The following SP4 variants were observed in gnomAD, a reference collection of about 807,000 sequenced individuals.
SP4 encodes transcription factor Sp4.
A neutral mutation model predicts 72.8 loss-of-function variants in SP4; 19 were observed. The observed-to-expected ratio is 0.26, with a 90% CI of 0.18 to 0.38. SP4 has a LOEUF of 0.38. SP4 is among the 10% of genes least tolerant of loss of function. The pLI is 1.00. For synonymous variants in SP4, 395 were observed against 333.1 expected, an observed-to-expected ratio of 1.19 and a Z score of -2.02; for missense variants, 1,008 against 926.3, an observed-to-expected ratio of 1.09 and a Z score of -1.14.
chr7:21,462,029 T>G (rs979034673), intron 3 of SP4, among the ~76,000 whole-genome samples: 1 of 136,178 alleles, frequency 7.3e-6, no homozygotes, highest in Non-Finnish European at 1.5e-5. Flanking sequence ...TAGTTTTAGT[T>G]TTTTTTTTTT....
At position 21,493,325 on chromosome 7, in the gene SP4, A is replaced by G. The variant is rs187240131; in HGVS notation, c.2107+11202A>G. ...ACACATGGGCCAAGAAAAAGTTTCA[A>G]GGGAAATTAGAAAATATTTCCAATT... On this transcript the variant is annotated intron_variant, in intron 5 of 5. Transcript: ENST00000222584. Among the ~76,000 whole-genome samples, 4 of 152,336 alleles carry G rather than the reference A, an allele frequency of 2.6e-5. No homozygotes were observed. In the East Asian group the frequency reaches 7.7e-4, roughly 29 times the overall value.
At chr7:21,435,708 A>G (rs1405658044) in intron 3 of SP4, among the ~76,000 whole-genome samples, 3 of 152,184 alleles carry the variant, frequency 2.0e-5, no homozygotes, top group Admixed American at 6.5e-5. Context: ...ATTGGAATTC[A>G]TTATTAGAAA....
intron 3 of SP4, among the ~76,000 whole-genome samples, chr7:21,474,739 T>TGAGA (rs1220993881): frequency 2.0e-5 from 3 of 152,222 alleles, no homozygotes; most frequent in African/African-American, 7.2e-5. Context: ...TGAGGATCTC[T>TGAGA]GAGTGCACAG....
intron 5 of SP4, among the ~76,000 whole-genome samples, chr7:21,502,038 G>GCAC (rs1781877565): frequency 2.2e-5 from 2 of 89,458 alleles, no homozygotes; most frequent in Admixed American, 1.4e-4. Flanking sequence ...AATTCATTAG[G>GCAC]CACCCCCCCC....
chr7:21,442,448 A>T (rs1040338662), intron 3 of SP4, among the ~76,000 whole-genome samples: 23 of 152,236 alleles, frequency 1.5e-4, no homozygotes, highest in Non-Finnish European at 2.9e-4. Flanking sequence ...TAGACTCAAT[A>T]GTACATGATA....
At chr7:21,486,174 TC>T (rs1784807466) in intron 5 of SP4, among the ~76,000 whole-genome samples, 1 of 150,152 alleles carries the variant, frequency 6.7e-6, no homozygotes, top group African/African-American at 2.5e-5. Context: ...TGTTATTTTT[TC>T]TTGTTTTTTT....
rs1189695653 is a variant in SP4, at chr7:21,428,097, GCCATT to G, written c.-153_-149del. On this transcript the variant is annotated 5_prime_UTR_variant, in exon 1 of 6. Transcript: ENST00000222584. Reference sequence around the variant, plus strand: ...GCTGCTACGCCACAGCCCAGCGGCGGCCATTCGCGGAAAAAGAGGCAGAGCCTGTG... The same window carrying G: ...GCTGCTACGCCACAGCCCAGCGGCGGCGCGGAAAAAGAGGCAGAGCCTGTG... The G allele has an allele frequency of 3.0e-6, 2 of 675,460 alleles. No homozygotes were observed. The highest frequency in any genetic ancestry group is 3.6e-5 in the African/African-American group (2 of 56,244). The allele number at this position is 675,460 out of a possible 1,614,324, so 41.8% of individuals were successfully genotyped here.
chr7:21,430,842 A>G lies in SP4; in HGVS notation c.1677A>G (p.Ala559=), dbSNP rs1271292481. ...QGVPVTITSV[A]GQQQGQDGVK... is the part of the protein sequence containing the mutation. Reference sequence around the variant, plus strand: ...TTCCCGTTACAATCACTAGTGTTGCAGGTAAGTTCTGACATCTTTTTAAGT... The same window carrying G: ...TTCCCGTTACAATCACTAGTGTTGCGGGTAAGTTCTGACATCTTTTTAAGT... Residue 559 remains alanine, a splice_region_variant and synonymous_variant, in exon 3 of 6, where the codon GCA becomes GCG. Coordinates refer to ENST00000222584, the MANE Select transcript of SP4 (RefSeq NM_003112.5). 1 of 1,602,690 alleles carries G rather than the reference A, an allele frequency of 6.2e-7. No homozygotes were observed. The highest frequency in any genetic ancestry group is 8.5e-7 in the Non-Finnish European group (1 of 1,172,350).
chr7:21,472,508 G>T (rs549641665), intron 3 of SP4, among the ~76,000 whole-genome samples: 2 of 152,062 alleles, frequency 1.3e-5, no homozygotes, highest in Admixed American at 1.3e-4. Context: ...GCCTAGGTTG[G>T]TCTTGAACTC....
chr7:21,428,727 A>G lies in SP4; in HGVS notation c.58A>G (p.Thr20Ala), dbSNP rs1418951591. Residue 20 changes from threonine to alanine, a missense_variant, in exon 2 of 6, where the codon ACA (threonine) becomes GCA (alanine). By Grantham distance (58) the Thr-to-Ala change is moderately conservative. Transcript: ENST00000222584. ...EEAAAAAAMA[T>A]EGGKTSEPEN... The stretch of plus-strand genomic sequence containing the variant: ...GGCGGCAGCGGCAGCGGCGATGGCT[A>G]CAGAAGGAGGGAAAACCTCTGAGCC... 2.6e-6 allele frequency: 4 copies of G among 1,554,620 alleles called. No individual in the cohort carries two copies. The highest frequency in any genetic ancestry group is 2.4e-5 in the South Asian group (2 of 84,232).
chr7:21,428,562 G>C, intron 1 of SP4, 115 bp from the exon 2 acceptor site: 1 of 1,097,508 alleles, frequency 9.1e-7, no homozygotes, highest in South Asian at 1.6e-5. Context: ...GTGGATCGCG[G>C]GTTTATGGAG....
Position 21,430,611 on chromosome 7 carries a change from T to C in SP4, c.1446T>C (p.Asn482=). 6.2e-7 allele frequency: 1 copy of C among 1,614,242 alleles called. No individual in the cohort carries two copies. Among genetic ancestry groups the C allele is most frequent in the Non-Finnish European group, 8.5e-7 (1 of 1,180,046 alleles). Residue 482 remains asparagine (N), a synonymous_variant, in exon 3 of 6, where the codon AAT becomes AAC. Coordinates refer to ENST00000222584, the MANE Select transcript of SP4 (RefSeq NM_003112.5). The part of the protein sequence containing the change: ...VQVQNIQSLS[N]LQVQNAGLSQ... ...TTCAGAATATTCAGAGTCTTTCAAA[T>C]TTGCAAGTTCAGAATGCTGGGTTAT... is the stretch of plus-strand genomic sequence containing the variant.
Position 21,466,834 on chromosome 7 carries a change from C to G in SP4, c.1679-10245C>G, listed in dbSNP as rs554923814. 4.6e-5 allele frequency among the ~76,000 whole-genome samples: 7 copies of G among 151,476 alleles called. No individual in the cohort carries two copies. In the South Asian group the frequency reaches 1.5e-3, roughly 32 times the overall value. ...CAGTGTACCATGGAATCTCTCTAGT[C>G]ATATGTCTGTCAAAACTGTCACAGC... is the stretch of plus-strand genomic sequence containing the variant. On this transcript the variant is annotated intron_variant, in intron 3 of 5. Transcript: ENST00000222584.
At chr7:21,489,358 T>C (rs1784907272) in intron 5 of SP4, among the ~76,000 whole-genome samples, 1 of 152,048 alleles carries the variant, frequency 6.6e-6, no homozygotes, top group African/African-American at 2.4e-5. Flanking sequence ...TGAGACCATG[T>C]CACCCAGGCC....
At chr7:21,491,647 A>G (rs1784982078) in intron 5 of SP4, among the ~76,000 whole-genome samples, 1 of 152,230 alleles carries the variant, frequency 6.6e-6, no homozygotes, top group Admixed American at 6.5e-5. Context: ...AAGAAGCCAG[A>G]AGAGAAGGAC....
In SP4 at chr7:21,473,046, A is replaced by G. The variant is rs970815839; in HGVS notation, c.1679-4033A>G. ...ACTTTGGTCGGTGGAAGAATGATTA[A>G]ATGTTATTGAGCACGAAAGTGAGAT... On this transcript the variant is annotated intron_variant, in intron 3 of 5. Transcript: ENST00000222584. Among the ~76,000 whole-genome samples, 5 of 152,192 alleles carry G rather than the reference A, an allele frequency of 3.3e-5. 1 individual carries two copies. Among genetic ancestry groups the G allele is most frequent in the Non-Finnish European group, 5.9e-5 (4 of 68,036 alleles).
chr7:21,508,459 T>C (rs955982394), intron 5 of SP4, among the ~76,000 whole-genome samples: 7 of 152,142 alleles, frequency 4.6e-5, no homozygotes, highest in Non-Finnish European at 1.0e-4. Context: ...CCCAAGTAGC[T>C]GGGATTACAG....
chr7:21,431,508 A>T (rs1184899498), intron 3 of SP4, among the ~76,000 whole-genome samples: 1 of 152,162 alleles, frequency 6.6e-6, no homozygotes, highest in Non-Finnish European at 1.5e-5. Context: ...TCATTGTGTG[A>T]TTTGTAGATG....
chr7:21,457,790 C>T (rs980660980), intron 3 of SP4, among the ~76,000 whole-genome samples: 1 of 151,592 alleles, frequency 6.6e-6, no homozygotes, highest in Non-Finnish European at 1.5e-5. Flanking sequence ...TGTGTGTATG[C>T]ATGTGTGTGT....
Sources: gnomAD v4.1 joint callset for allele counts (sites outside exome capture counted in the v4.1 genomes callset) on GRCh38, gnomAD v4.1.1 for gene constraint, MANE v1.5 for transcripts, NCBI Gene and HGNC (gene_info 2026-07-23, HGNC 2026-07-21) for gene names.